CTNNA3: variants seen among roughly 807,000 people sequenced by gnomAD.
CTNNA3 encodes catenin alpha 3, also known as catenin alpha-3.
CTNNA3 carries 76 observed loss-of-function variants against 95.7 expected under a neutral mutation model. The observed-to-expected ratio is 0.79, with a 90% confidence interval of 0.66 to 0.96. CTNNA3 has a LOEUF of 0.96. Ranked by LOEUF, CTNNA3 falls within the 40% of genes least tolerant of loss-of-function variation. CTNNA3 has a pLI of 0.00. For missense variants in CTNNA3, 1,191 were observed against 1,089.8 expected, an observed-to-expected ratio of 1.09 and a Z score of -1.31; for synonymous variants, 431 against 374.4, an observed-to-expected ratio of 1.15 and a Z score of -1.74.
At chr10:66,199,765 C>CCATATATA (rs1410081168) in intron 13 of CTNNA3, among the ~76,000 whole-genome samples, 11 of 30,724 alleles carry the variant, frequency 3.6e-4, no homozygotes, top group African/African-American at 1.2e-3. Context: ...CCACGCCTGG[C>CCATATATA]TATATATATA....
At chr10:67,101,456 T>C (rs965324099) in intron 7 of CTNNA3, among the ~76,000 whole-genome samples, 8 of 151,360 alleles carry the variant, frequency 5.3e-5, no homozygotes, top group African/African-American at 1.2e-4. Context: ...TTCTCCATTT[T>C]CTTATAAGAA....
chr10:66,471,610 G>C (rs1839134995), intron 11 of CTNNA3, among the ~76,000 whole-genome samples: 1 of 151,366 alleles, frequency 6.6e-6, no homozygotes, highest in Non-Finnish European at 1.5e-5. Context: ...TTCTTCAGTT[G>C]TCTGTAAAAC....
chr10:66,739,617 C>T (rs1446083930), intron 9 of CTNNA3, among the ~76,000 whole-genome samples: 1 of 152,042 alleles, frequency 6.6e-6, no homozygotes, highest in Admixed American at 6.6e-5. Flanking sequence ...ATATAGATAG[C>T]TATTTAAAAG....
rs531519550 is a variant in CTNNA3 at position 67,712,957 on chromosome 10, T to C, written c.-2+50477A>G. Among the ~76,000 whole-genome samples the C allele has an allele frequency of 3.9e-5, 6 of 152,234 alleles. No homozygotes were observed. In the South Asian group the frequency reaches 1.2e-3, roughly 32 times the overall value. On this transcript the variant is annotated intron_variant, in intron 1 of 17. Transcript: ENST00000684154. ...ATTGATCTAATTAAACTAAAGAGCT[T>C]CTGCACAGCAAAAGAAACTATCTTC...
At chr10:66,889,869 C>G (rs1053299677) in intron 7 of CTNNA3, among the ~76,000 whole-genome samples, 1 of 150,610 alleles carries the variant, frequency 6.6e-6, no homozygotes, top group Non-Finnish European at 1.5e-5. Context: ...TGGCTCACTG[C>G]AGCCCCTGCC....
intron 11 of CTNNA3, among the ~76,000 whole-genome samples, chr10:66,382,935 G>C (rs1564914769): frequency 6.6e-6 from 1 of 152,154 alleles, no homozygotes; most frequent in East Asian, 1.9e-4. Context: ...AACGCCATCT[G>C]TAGGTCACCA....
intron 9 of CTNNA3, among the ~76,000 whole-genome samples, chr10:66,630,301 T>C (rs1348799434): frequency 6.6e-6 from 1 of 152,112 alleles, no homozygotes; most frequent in Admixed American, 6.6e-5. Context: ...GGAATGAAAT[T>C]TTTCCTTTGA....
At chr10:67,142,704 C>A (rs1300325086) in intron 7 of CTNNA3, among the ~76,000 whole-genome samples, 1 of 151,846 alleles carries the variant, frequency 6.6e-6, no homozygotes, top group Non-Finnish European at 1.5e-5. Context: ...GAGGCCGAGG[C>A]GAGTGGATCA....
intron 5 of CTNNA3, among the ~76,000 whole-genome samples, chr10:67,498,031 T>C (rs903867045): frequency 6.6e-6 from 1 of 152,210 alleles, no homozygotes; most frequent in African/African-American, 2.4e-5. Context: ...CTGAATGGTA[T>C]TGCCTAGGTT....
intron 12 of CTNNA3, among the ~76,000 whole-genome samples, chr10:66,361,409 A>C (rs1323714509): frequency 9.8e-4 from 95 of 97,330 alleles, no homozygotes; most frequent in South Asian, 2.3e-3. Context: ...TTCCACTTCC[A>C]CTTCCCTTCC....
In CTNNA3 at chr10:67,177,732, T is replaced by C. The variant is rs529360682; in HGVS notation, c.1047+2585A>G. Among the ~76,000 whole-genome samples, 3 of 152,304 alleles carry C rather than the reference T, an allele frequency of 2.0e-5. No individual in the cohort carries two copies. In the South Asian group the frequency reaches 6.2e-4, roughly 32 times the overall value. On this transcript the variant is annotated intron_variant, in intron 7 of 17. Transcript: ENST00000433211. Reference sequence around the variant, plus strand: ...AGCTATAAAGAAGCATTATTTGTGATAGAAACCTGGAGTGACAGTAAACCT... The same window carrying C: ...AGCTATAAAGAAGCATTATTTGTGACAGAAACCTGGAGTGACAGTAAACCT...
chr10:67,571,376 A>G (rs970567663), intron 3 of CTNNA3, among the ~76,000 whole-genome samples: 1 of 152,150 alleles, frequency 6.6e-6, no homozygotes, highest in Non-Finnish European at 1.5e-5. Context: ...CACTCTAAGT[A>G]TCTTTGAAAT....
rs1393081056 is a variant in CTNNA3 at position 66,199,795 on chromosome 10, ATATATATATATTTTTTTT to A, written c.1884+80657_1884+80674del. Among the ~76,000 whole-genome samples, 10 of 15,758 alleles carry A rather than the reference ATATATATATATTTTTTTT, an allele frequency of 6.3e-4. No homozygotes were observed. In the East Asian group the frequency reaches 0.022, roughly 35 times the overall value. 10.3% of individuals were successfully genotyped at this position (15,758 alleles called of 152,430 possible). On this transcript the variant is annotated intron_variant, in intron 13 of 17. Transcript: ENST00000433211. ...TATATATATATATATATATATATATATATATATATATTTTTTTTTTTTTTTTTTTTTTTTTTTTAGTAG... is the reference window on the plus strand; with the variant it reads ...TATATATATATATATATATATATATATTTTTTTTTTTTTTTTTTTTAGTAG...
intron 10 of CTNNA3, among the ~76,000 whole-genome samples, chr10:66,538,671 G>T (rs972324606): frequency 2.6e-5 from 4 of 152,146 alleles, no homozygotes; most frequent in African/African-American, 9.7e-5. Context: ...TATGCTGTTA[G>T]ATAGACTAAC....
intron 3 of CTNNA3, among the ~76,000 whole-genome samples, chr10:67,595,840 TA>T (rs1437084737): frequency 6.6e-6 from 1 of 152,228 alleles, no homozygotes; most frequent in African/African-American, 2.4e-5. Context: ...TTAGAATAGT[TA>T]AGTCTTCTTG....
intron 12 of CTNNA3, among the ~76,000 whole-genome samples, chr10:66,319,835 G>A (rs1006588083): frequency 6.6e-6 from 1 of 152,124 alleles, no homozygotes; most frequent in Admixed American, 6.5e-5. Flanking sequence ...AAGGAAGAGA[G>A]TATTTATTTG....
chr10:66,975,810 G>T (rs1226232770), intron 7 of CTNNA3, among the ~76,000 whole-genome samples: 1 of 152,084 alleles, frequency 6.6e-6, no homozygotes, highest in African/African-American at 2.4e-5. Flanking sequence ...GTTAACACAT[G>T]ATATTTTGGT....
At chr10:67,658,527 T>C (rs1216805408) in intron 1 of CTNNA3, among the ~76,000 whole-genome samples, 2 of 152,192 alleles carry the variant, frequency 1.3e-5, no homozygotes, top group Non-Finnish European at 2.9e-5. Context: ...CCTCATTTTA[T>C]TGGATTTCTT....
chr10:66,588,431 G>A (rs1396553710), intron 10 of CTNNA3, among the ~76,000 whole-genome samples: 1 of 151,708 alleles, frequency 6.6e-6, no homozygotes, highest in Non-Finnish European at 1.5e-5. Context: ...GGGAGAGGCA[G>A]GCTAACAATG....
Sources: allele counts gnomAD v4.1 joint callset (sites outside exome capture counted in the v4.1 genomes callset), GRCh38; gene constraint gnomAD v4.1.1; transcripts MANE v1.5; gene names NCBI Gene and HGNC (gene_info 2026-07-23, HGNC 2026-07-21).